GALNT13: variants seen among roughly 807,000 people sequenced by gnomAD.
GALNT13 encodes the protein UDP-GalNAc:polypeptide N-acetylgalactosaminyltransferase 13.
In GALNT13, 28 loss-of-function variants were observed where a neutral mutation model predicts 64.2. That is an observed-to-expected ratio of 0.44 (90% confidence interval 0.32 to 0.60). The LOEUF is 0.60. Among genes scored for constraint, GALNT13 ranks in the 20% least tolerant of loss-of-function variants. GALNT13 has a pLI of 0.05. For synonymous variants in GALNT13, 214 were observed against 224.6 expected (o/e 0.95, Z 0.42); for missense variants, 577 against 669.8 (o/e 0.86, Z 1.53).
the GALNT13 span, among the ~76,000 whole-genome samples, chr2:153,535,832 C>T: frequency 6.6e-6 from 1 of 152,082 alleles, no homozygotes; most frequent in African/African-American, 2.4e-5. Flanking sequence ...GCTGATTTGA[C>T]TAATAAAGGC....
At chr2:153,828,829 T>A in the GALNT13 span, among the ~76,000 whole-genome samples, 1 of 152,208 alleles carries the variant, frequency 6.6e-6, no homozygotes, top group Non-Finnish European at 1.5e-5. Flanking sequence ...GCTTCACTTA[T>A]AAAACTGAAT....
chr2:154,387,943 G>C (rs1267877196), intron 9 of GALNT13, among the ~76,000 whole-genome samples: 1 of 152,092 alleles, frequency 6.6e-6, no homozygotes, highest in Non-Finnish European at 1.5e-5. Flanking sequence ...ACTCAGAAGA[G>C]GAATTACAGT....
chr2:154,197,985 A>C (rs1326236837), intron 4 of GALNT13, among the ~76,000 whole-genome samples: 1 of 152,110 alleles, frequency 6.6e-6, no homozygotes, highest in Admixed American at 6.6e-5. Flanking sequence ...CATCAGATTC[A>C]CACAAATTAA....
intron 4 of GALNT13, among the ~76,000 whole-genome samples, chr2:154,228,154 C>A (rs570036265): frequency 7.2e-5 from 11 of 152,098 alleles, no homozygotes; most frequent in African/African-American, 2.6e-4. Flanking sequence ...ACTCCAAGAA[C>A]AGTTTTTATA....
chr2:153,203,636 C>T, the GALNT13 span, among the ~76,000 whole-genome samples: 2 of 152,158 alleles, frequency 1.3e-5, no homozygotes, highest in Non-Finnish European at 2.9e-5. Flanking sequence ...CACTGTTAAT[C>T]TCTATGCTAT....
intron 8 of GALNT13, among the ~76,000 whole-genome samples, chr2:154,294,960 C>T (rs769221766): frequency 6.6e-6 from 1 of 152,102 alleles, no homozygotes; most frequent in Non-Finnish European, 1.5e-5. Flanking sequence ...CTGGCTACGG[C>T]AGTTTTTTCA....
chr2:153,660,935 A>C, the GALNT13 span, among the ~76,000 whole-genome samples: 1 of 152,144 alleles, frequency 6.6e-6, no homozygotes, highest in African/African-American at 2.4e-5. Flanking sequence ...ACTGCCCGTG[A>C]AGCAGCAACA....
At chr2:153,815,987 C>T in the GALNT13 span, among the ~76,000 whole-genome samples, 1 of 152,166 alleles carries the variant, frequency 6.6e-6, no homozygotes, top group Non-Finnish European at 1.5e-5. Flanking sequence ...TTCAGTTTCT[C>T]AATTCACTCA....
At chr2:153,222,307 T>TG in the GALNT13 span, among the ~76,000 whole-genome samples, 1 of 6,314 alleles carries the variant, frequency 1.6e-4, no homozygotes, top group Non-Finnish European at 5.8e-4. Flanking sequence ...TGAGTCTGGC[T>TG]GGGGGGGGGG....
chr2:153,102,628 A>G, the GALNT13 span, among the ~76,000 whole-genome samples: 493 of 152,292 alleles, frequency 3.2e-3, 2 homozygotes, highest in African/African-American at 0.011. Flanking sequence ...CAAACTTGCA[A>G]CGTTTGAGGT....
At chr2:153,870,930 C>T (rs1424886633), upstream of GALNT13, among the ~76,000 whole-genome samples, 1 of 151,982 alleles carries the variant, frequency 6.6e-6, no homozygotes, top group Non-Finnish European at 1.5e-5. Context: ...CAAAACTAGC[C>T]AAGAGCCACA....
chr2:153,651,289 G>C, the GALNT13 span, among the ~76,000 whole-genome samples: 4 of 152,152 alleles, frequency 2.6e-5, no homozygotes, highest in South Asian at 8.3e-4. Context: ...AATAAAGTCT[G>C]ATTCCAGGAT....
intron 3 of GALNT13, among the ~76,000 whole-genome samples, chr2:154,022,194 G>T (rs1376473693): frequency 6.6e-6 from 1 of 152,126 alleles, no homozygotes; most frequent in Non-Finnish European, 1.5e-5. Context: ...CCCAGCTTTG[G>T]TATCAGGATG....
chr2:153,573,247 A>G, the GALNT13 span, among the ~76,000 whole-genome samples: 4 of 151,968 alleles, frequency 2.6e-5, no homozygotes, highest in East Asian at 1.9e-4. Flanking sequence ...TTTGTCTTAT[A>G]TAAGTATAGC....
chr2:153,601,870 G>A, the GALNT13 span, among the ~76,000 whole-genome samples: 11 of 151,896 alleles, frequency 7.2e-5, no homozygotes, highest in South Asian at 2.1e-4. Flanking sequence ...AAACATCTAG[G>A]CAAGAAAGAG....
At chr2:153,866,312 A>AG in the GALNT13 span, among the ~76,000 whole-genome samples, 1 of 7,432 alleles carries the variant, frequency 1.3e-4, no homozygotes, top group Non-Finnish European at 1.3e-3. Context: ...AAAGTATAAT[A>AG]AAAAAAAATA....
chr2:153,921,338 C>T (rs566856725), intron 2 of GALNT13, among the ~76,000 whole-genome samples: 1 of 152,052 alleles, frequency 6.6e-6, no homozygotes, highest in Non-Finnish European at 1.5e-5. Context: ...GAGCTGGATA[C>T]TACTATAGTA....
At chr2:153,114,068 T>A in the GALNT13 span, among the ~76,000 whole-genome samples, 1 of 152,106 alleles carries the variant, frequency 6.6e-6, no homozygotes, top group African/African-American at 2.4e-5. Context: ...ACACTGCTTG[T>A]TCTGTCTCCT....
At chr2:153,685,961 G>A in the GALNT13 span, among the ~76,000 whole-genome samples, 7 of 151,808 alleles carry the variant, frequency 4.6e-5, no homozygotes, top group South Asian at 2.1e-4. Flanking sequence ...AGAAGTGTGC[G>A]GTCTTATTTC....
Sources: allele counts gnomAD v4.1 joint callset (sites outside exome capture counted in the v4.1 genomes callset), GRCh38; gene constraint gnomAD v4.1.1; transcripts MANE v1.5; gene names NCBI Gene and HGNC (gene_info 2026-07-23, HGNC 2026-07-21).